The following UBE2D1 variants were observed in gnomAD, a reference collection of about 807,000 sequenced individuals.
The protein encoded by UBE2D1 is ubiquitin-conjugating enzyme E2 D1.
A neutral mutation model predicts 24.6 loss-of-function variants in UBE2D1; 9 were observed. The ratio of observed to expected loss-of-function variants is 0.37; its 90% CI spans 0.22 to 0.64. UBE2D1 has a LOEUF of 0.64. Ranked by LOEUF, UBE2D1 falls within the 30% of genes least tolerant of loss-of-function variation. The pLI, the probability that UBE2D1 is intolerant of heterozygous loss-of-function variation, is 0.64. For synonymous variants in UBE2D1, 57 were observed against 57.6 expected (o/e 0.99, Z 0.04); for missense variants, 87 against 177.1 (o/e 0.49, Z 2.89).
At position 58,361,357 on chromosome 10, in the gene UBE2D1, G is replaced by A. The variant is rs773159919; in HGVS notation, c.44G>A (p.Arg15His). ...CTTCAGGAATTGAGTGATCTACAGC[G>A]CGATCCACCTGCTCACTGTTCAGCT... ...RIQKELSDLQ[R>H]DPPAHCSAGP... is the part of the protein sequence containing the mutation. Residue 15 changes from arginine (R) to histidine (H), a missense_variant, in exon 2 of 7, where the codon CGC (arginine) becomes CAC (histidine). Transcript: ENST00000373910. The A allele has an allele frequency of 1.6e-5, 26 of 1,613,992 alleles. No homozygotes were observed. Among genetic ancestry groups the A allele is most frequent in the East Asian group, 6.7e-5 (3 of 44,888 alleles).
At chr10:58,358,358 G>A (rs1007401306) in intron 1 of UBE2D1, among the ~76,000 whole-genome samples, 2 of 152,106 alleles carry the variant, frequency 1.3e-5, no homozygotes, top group Admixed American at 6.5e-5. Context: ...AATTACAGAG[G>A]CAATCTCCTA....
rs902497707 is a variant in UBE2D1, at chr10:58,369,067, T to G, written c.*302T>G. 5.0e-6 allele frequency: 1 copy of G among 199,176 alleles called. No homozygotes were observed. The highest frequency in any genetic ancestry group is 2.3e-5 in the African/African-American group (1 of 43,300). The allele number at this position is 199,176 out of a possible 1,614,324, so 12.3% of individuals were successfully genotyped here. A position where few individuals can be genotyped will look rare whatever the true frequency, so the allele number is the denominator to read the frequency against. On this transcript the variant is annotated 3_prime_UTR_variant, in exon 7 of 7. Transcript: ENST00000373910. ...CAATGCAGCTGAAAAGCAACCAAATTATTTTTTGCTGAAACTAGATGTTTT... is the reference window on the plus strand; with the variant it reads ...CAATGCAGCTGAAAAGCAACCAAATGATTTTTTGCTGAAACTAGATGTTTT...
intron 3 of UBE2D1, among the ~76,000 whole-genome samples, chr10:58,362,128 T>C (rs541750386): frequency 6.6e-6 from 1 of 152,188 alleles, no homozygotes; most frequent in Non-Finnish European, 1.5e-5. Context: ...TTCAATACTT[T>C]AGAGGCAGTT....
At chr10:58,356,069 A>G (rs894955811) in intron 1 of UBE2D1, among the ~76,000 whole-genome samples, 1 of 152,096 alleles carries the variant, frequency 6.6e-6, no homozygotes, top group Non-Finnish European at 1.5e-5. Flanking sequence ...CTCTTTTTTT[A>G]TATTTATGTA....
intron 1 of UBE2D1, among the ~76,000 whole-genome samples, chr10:58,339,326 G>A (rs753664360): frequency 1.3e-5 from 2 of 152,028 alleles, no homozygotes; most frequent in Admixed American, 1.3e-4. Context: ...GGCTAGTCTC[G>A]AACTCCTGAC....
chr10:58,360,929 A>G (rs554843213), intron 1 of UBE2D1: 1 of 454,940 alleles, frequency 2.2e-6, no homozygotes, highest in Non-Finnish European at 4.4e-6. Context: ...CTCAAAAAAA[A>G]AAAAAAAGTT....
chr10:58,364,905 T>C (rs1401733440), intron 5 of UBE2D1, 29 bp downstream of exon 5: 9 of 1,550,118 alleles, frequency 5.8e-6, no homozygotes, highest in Non-Finnish European at 8.0e-6. Flanking sequence ...TTTGAAACAG[T>C]TGATAACAGT....
rs117937758 is a variant in UBE2D1, at chr10:58,350,923, C to T, written c.25-10415C>T. On this transcript the variant is annotated intron_variant, in intron 1 of 6. Coordinates refer to ENST00000373910, the MANE Select transcript of UBE2D1 (RefSeq NM_003338.5). Reference sequence around the variant, plus strand: ...GCTCCTAGGCTAGAAACCTATACAGCATGTTACCGTGCTGATACTGTAGGC... The same window carrying T: ...GCTCCTAGGCTAGAAACCTATACAGTATGTTACCGTGCTGATACTGTAGGC... 4.3e-3 allele frequency among the ~76,000 whole-genome samples: 650 copies of T among 152,276 alleles called. 4 individuals carry two copies. The highest frequency in any genetic ancestry group is 7.4e-3 in the Non-Finnish European group (505 of 68,028).
At chr10:58,350,572 A>G (rs1840063208) in intron 1 of UBE2D1, among the ~76,000 whole-genome samples, 1 of 152,156 alleles carries the variant, frequency 6.6e-6, no homozygotes, top group Non-Finnish European at 1.5e-5. Flanking sequence ...CACACTTTTA[A>G]TGTGCCTTTT....
chr10:58,367,548 T>C (rs1411246388), intron 5 of UBE2D1, among the ~76,000 whole-genome samples: 1 of 151,976 alleles, frequency 6.6e-6, no homozygotes, highest in African/African-American at 2.4e-5. Flanking sequence ...AGCAAAAGAG[T>C]GTATGAGCAC....
chr10:58,361,010 G>A (rs1001261220), intron 1 of UBE2D1: 1 of 464,532 alleles, frequency 2.2e-6, no homozygotes, highest in African/African-American at 2.0e-5. Flanking sequence ...AATAGTACCT[G>A]TTTTCTGATA....
chr10:58,361,628 G>A (rs1840199646), intron 3 of UBE2D1, 102 bp downstream of exon 3: 5 of 1,517,332 alleles, frequency 3.3e-6, no homozygotes, highest in Admixed American at 1.7e-5. Context: ...GAATATTCTT[G>A]TACTTTGAAT....
intron 1 of UBE2D1, among the ~76,000 whole-genome samples, chr10:58,342,233 C>T (rs1235483420): frequency 6.6e-6 from 1 of 152,152 alleles, no homozygotes; most frequent in East Asian, 1.9e-4. Flanking sequence ...GCTCTGCATC[C>T]TCTTGTCTTA....
At chr10:58,352,449 G>A (rs868071768) in intron 1 of UBE2D1, among the ~76,000 whole-genome samples, 41 of 150,674 alleles carry the variant, frequency 2.7e-4, no homozygotes, top group African/African-American at 9.7e-4. Context: ...GTAATAACTG[G>A]CAAATTAAAA....
chr10:58,362,864 A>G (rs1056033176), intron 3 of UBE2D1, among the ~76,000 whole-genome samples: 2 of 152,132 alleles, frequency 1.3e-5, no homozygotes, highest in Admixed American at 6.5e-5. Context: ...TTAATTAAAT[A>G]TGAAAGAATT....
At chr10:58,337,322 C>T (rs1418344591) in intron 1 of UBE2D1, among the ~76,000 whole-genome samples, 7 of 152,126 alleles carry the variant, frequency 4.6e-5, no homozygotes, top group Admixed American at 4.6e-4. Context: ...TCAGACCAAT[C>T]CCTCAAACCT....
intron 1 of UBE2D1, among the ~76,000 whole-genome samples, chr10:58,358,208 G>A (rs59980924): frequency 6.6e-6 from 1 of 151,974 alleles, no homozygotes; most frequent in South Asian, 2.1e-4. Context: ...CATTATCTCT[G>A]TAAAATATGT....
intron 3 of UBE2D1, among the ~76,000 whole-genome samples, chr10:58,363,346 GT>G (rs1382639845): frequency 6.6e-6 from 1 of 152,088 alleles, no homozygotes; most frequent in Admixed American, 6.6e-5. Flanking sequence ...TGTGTGTCCT[GT>G]TTTTGTTTTG....
Position 58,335,066 on chromosome 10 carries a change from G to T in UBE2D1, c.-136G>T. 2.2e-6 allele frequency: 2 copies of T among 921,384 alleles called. No individual in the cohort carries two copies. Among genetic ancestry groups the T allele is most frequent in the Non-Finnish European group, 3.3e-6 (2 of 611,424 alleles). 57.1% of individuals were successfully genotyped at this position (921,384 alleles called of 1,614,324 possible). A position where few individuals can be genotyped will look rare whatever the true frequency, so the allele number is the denominator to read the frequency against. On this transcript the variant is annotated 5_prime_UTR_variant, in exon 1 of 7. Transcript: ENST00000373910. ...GAGCAGGGACCGGCGCCCGGAGCGA[G>T]CCAGGGAGCGGCTAACCGGGGACCC... is the stretch of plus-strand genomic sequence containing the variant.
Sources: gnomAD v4.1 joint callset for allele counts (sites outside exome capture counted in the v4.1 genomes callset) on GRCh38, gnomAD v4.1.1 for gene constraint, MANE v1.5 for transcripts, NCBI Gene and HGNC (gene_info 2026-07-23, HGNC 2026-07-21) for gene names.